ARHGAP32: variants seen among roughly 807,000 people sequenced by gnomAD.
ARHGAP32 encodes rho GTPase-activating protein 32.
Under a neutral mutation model 186.5 loss-of-function variants are expected in ARHGAP32, and 51 were observed. That is an observed-to-expected ratio of 0.27 (90% confidence interval 0.22 to 0.35). ARHGAP32 has a LOEUF of 0.35. Among genes scored for constraint, ARHGAP32 ranks in the 10% least tolerant of loss-of-function variants. The pLI, the probability that ARHGAP32 is intolerant of heterozygous loss-of-function variation, is 1.00. For synonymous variants in ARHGAP32, 950 were observed against 964.3 expected (o/e 0.99, Z 0.27); for missense variants, 2,186 against 2,623.5 (o/e 0.83, Z 3.64).
Position 129,145,230 on chromosome 11 carries a change from G to A in ARHGAP32, c.225+19089C>T, listed in dbSNP as rs545610166. On this transcript the variant is annotated intron_variant, in intron 2 of 22. Coordinates refer to ENST00000682385, the MANE Select transcript of ARHGAP32 (RefSeq NM_001378024.1). ...TGGTAAGTTATTGTCAGTCTTCAGCGCTGCTAGAAAATGATACTGATCTCT... is the reference window on the plus strand; with the variant it reads ...TGGTAAGTTATTGTCAGTCTTCAGCACTGCTAGAAAATGATACTGATCTCT... 4.3e-4 allele frequency among the ~76,000 whole-genome samples: 65 copies of A among 151,922 alleles called. 1 individual carries two copies. The highest frequency in any genetic ancestry group is 6.0e-4 in the Non-Finnish European group (41 of 67,924).
intron 15 of ARHGAP32, among the ~76,000 whole-genome samples, chr11:128,982,192 A>G (rs1243808257): frequency 6.6e-6 from 1 of 152,208 alleles, no homozygotes; most frequent in Non-Finnish European, 1.5e-5. Flanking sequence ...TACTAACAGG[A>G]AAGGATTTCA....
At chr11:128,977,384 A>G (rs1945575834) in intron 19 of ARHGAP32, among the ~76,000 whole-genome samples, 3 of 152,156 alleles carry the variant, frequency 2.0e-5, no homozygotes, top group Admixed American at 2.0e-4. Context: ...CCTGCTGAGG[A>G]TAGCATGCAT....
chr11:129,202,898 TAAAAAA>T (rs933388438), intron 1 of ARHGAP32: 3 of 151,060 alleles, frequency 2.0e-5, no homozygotes, highest in Non-Finnish European at 4.4e-5. Flanking sequence ...GGGGGGAAAA[TAAAAAA>T]AAGAAAAGAA....
At chr11:129,093,451 C>A (rs1382479494) in intron 6 of ARHGAP32, among the ~76,000 whole-genome samples, 170 bp downstream of exon 6, 1 of 151,924 alleles carries the variant, frequency 6.6e-6, no homozygotes, top group Non-Finnish European at 1.5e-5. Context: ...AAAATAATAC[C>A]ATTTATTTTC....
chr11:128,989,555 CAT>C lies in ARHGAP32; in HGVS notation c.1196-1432_1196-1431del, dbSNP rs1555065781. ...ACACACACACACACACACACACACA[CAT>C]ACATATATCTTTTTTTATTATACTT... is the stretch of plus-strand genomic sequence containing the variant. On this transcript the variant is annotated intron_variant, in intron 12 of 22. Transcript: ENST00000682385. Among the ~76,000 whole-genome samples, 306 of 149,962 alleles carry C rather than the reference CAT, an allele frequency of 2.0e-3. 1 individual carries two copies. Among genetic ancestry groups the C allele is most frequent in the Middle Eastern group, 6.9e-3 (2 of 290 alleles).
At chr11:129,058,238 C>CTCTA (rs1232496252) in intron 10 of ARHGAP32, among the ~76,000 whole-genome samples, 55 of 138,896 alleles carry the variant, frequency 4.0e-4, no homozygotes, top group Non-Finnish European at 6.6e-4. Context: ...CTCTCTCTCT[C>CTCTA]TATATATATA....
chr11:128,970,096 T>C lies in ARHGAP32; in HGVS notation c.5117A>G (p.Tyr1706Cys), dbSNP rs144797851. 5.6e-6 allele frequency: 9 copies of C among 1,614,008 alleles called. No homozygotes were observed. Among genetic ancestry groups the C allele is most frequent in the African/African-American group, 4.0e-5 (3 of 74,914 alleles). Residue 1706 changes from tyrosine (Y) to cysteine (C), a missense_variant, in exon 23 of 23, where the codon TAC becomes TGC. Transcript: ENST00000682385. The surrounding 1 kb of genome is among the most constrained non-coding windows in gnomAD (Gnocchi z 5.8). ...GCTCTTTCCTTGCAGCCTAGGATTGTAGAAAGCAAAGTCTCGATTGGGAAG... is the reference window on the plus strand; with the variant it reads ...GCTCTTTCCTTGCAGCCTAGGATTGCAGAAAGCAAAGTCTCGATTGGGAAG... Reference protein sequence around the residue: ...HRLPNRDFAFYNPRLQGKSLY... With the variant: ...HRLPNRDFAFCNPRLQGKSLY...
At chr11:129,194,955 G>A (rs1944373183), upstream of ARHGAP32, among the ~76,000 whole-genome samples, 1 of 143,786 alleles carries the variant, frequency 7.0e-6, no homozygotes, top group Non-Finnish European at 1.5e-5. Flanking sequence ...TTGTGGGGGG[G>A]GGGGTTGTTT....
At chr11:129,012,718 G>A (rs1484553881) in intron 11 of ARHGAP32, among the ~76,000 whole-genome samples, 1 of 151,970 alleles carries the variant, frequency 6.6e-6, no homozygotes, top group Non-Finnish European at 1.5e-5. Context: ...AGAAAGAAAG[G>A]GAAAAAGTGA....
At chr11:129,009,410 T>C (rs187108139) in intron 11 of ARHGAP32, among the ~76,000 whole-genome samples, 77 of 152,328 alleles carry the variant, frequency 5.1e-4, no homozygotes, top group South Asian at 4.6e-3. Flanking sequence ...TGTGCCATGA[T>C]GGTTTGCTGC....
rs200206728 is a variant in ARHGAP32, at chr11:128,970,457, C to T, written c.4756G>A (p.Glu1586Lys). 34 of 1,614,082 alleles carry T rather than the reference C, an allele frequency of 2.1e-5. No homozygotes were observed. The highest frequency in any genetic ancestry group is 1.6e-4 in the Middle Eastern group (1 of 6,062). ...ATGGTAGGGTACGGTGGAATGTCTT[C>T]GGGGTAACAGGTATTCCTGACAGAG... is the stretch of plus-strand genomic sequence containing the variant. Reference protein sequence around the residue: ...SSSVRNTCYPEDIPPYPTIRR... With the variant: ...SSSVRNTCYPKDIPPYPTIRR... The change falls in exon 23 of 23, where the codon GAA becomes AAA. Residue 1586 changes from glutamate (E) to lysine (K), a missense_variant. By Grantham distance (56) the Glu-to-Lys change is moderately conservative. Transcript: ENST00000682385. The surrounding 1 kb of genome is among the most constrained non-coding windows in gnomAD (Gnocchi z 5.8).
At chr11:128,981,660 T>C in intron 16 of ARHGAP32, 99 bp from the exon 17 acceptor site, 1 of 1,367,834 alleles carries the variant, frequency 7.3e-7, no homozygotes, top group Non-Finnish European at 1.0e-6. Flanking sequence ...GAGGAAGAAA[T>C]CATACTTTTA....
intron 5 of ARHGAP32, among the ~76,000 whole-genome samples, chr11:129,114,556 C>G (rs1942312889): frequency 6.6e-6 from 1 of 152,086 alleles, no homozygotes; most frequent in African/African-American, 2.4e-5. Context: ...ACACCCTATA[C>G]ATGTCTGAAT....
chr11:129,124,764 T>C lies in ARHGAP32; in HGVS notation c.317+39A>G, dbSNP rs202151524. On this transcript the variant is annotated intron_variant, in intron 3 of 22. Coordinates refer to ENST00000682385, the MANE Select transcript of ARHGAP32 (RefSeq NM_001378024.1). ...GAATTGAAGAACTGATTTCCATTCG[T>C]AGGAATTCATTTAGAATCCACTGTA... is the stretch of plus-strand genomic sequence containing the variant. The C allele has an allele frequency of 2.3e-5, 33 of 1,431,132 alleles. No individual in the cohort carries two copies. The South Asian group carries it at 3.7e-4, about 16-fold the overall frequency. 88.7% of individuals were successfully genotyped at this position (1,431,132 alleles called of 1,614,324 possible). A position where few individuals can be genotyped will look rare whatever the true frequency, so the allele number is the denominator to read the frequency against.
At chr11:129,258,120 T>C (rs539838620) in intron 1 of ARHGAP32, among the ~76,000 whole-genome samples, 2 of 152,352 alleles carry the variant, frequency 1.3e-5, no homozygotes, top group East Asian at 1.9e-4. Flanking sequence ...TAATGTTATA[T>C]GGCAATTTTA....
chr11:129,062,282 G>T lies in ARHGAP32; in HGVS notation c.961C>A (p.Gln321Lys), dbSNP rs777274773. 6.2e-7 allele frequency: 1 copy of T among 1,613,028 alleles called. No homozygotes were observed. Among genetic ancestry groups the T allele is most frequent in the Non-Finnish European group, 8.5e-7 (1 of 1,179,356 alleles). The change falls in exon 10 of 23, where the codon CAG becomes AAG. Residue 321 changes from glutamine (Q) to lysine (K), a missense_variant and splice_region_variant. Gln to Lys is a moderately conservative substitution (Grantham distance 53). Coordinates refer to ENST00000682385, the MANE Select transcript of ARHGAP32 (RefSeq NM_001378024.1). ...ACACCTAATTTGCTGCTGCCTACCT[G>T]GAATCCGTGCTTGCCTCTCCACCAT... Reference protein sequence around the residue: ...STWWRGKHGFQVGLFPGHCVE... With the variant: ...STWWRGKHGFKVGLFPGHCVE...
intron 2 of ARHGAP32, among the ~76,000 whole-genome samples, chr11:129,128,280 T>C (rs1430007355): frequency 3.3e-5 from 5 of 152,214 alleles, no homozygotes; most frequent in African/African-American, 1.2e-4. Flanking sequence ...TAGTGTTCTC[T>C]AATAAAAGAC....
intron 11 of ARHGAP32, among the ~76,000 whole-genome samples, chr11:129,008,457 A>G (rs1383597791): frequency 6.6e-6 from 1 of 152,206 alleles, no homozygotes; most frequent in Non-Finnish European, 1.5e-5. Flanking sequence ...GACATCTGCC[A>G]TCCATTTCTT....
chr11:129,171,583 A>G (rs577889950), intron 1 of ARHGAP32, among the ~76,000 whole-genome samples: 3 of 152,162 alleles, frequency 2.0e-5, no homozygotes, highest in Non-Finnish European at 4.4e-5. Context: ...GCGTTGTAGT[A>G]TAGTTTGAAG....
Sources: gnomAD v4.1 joint callset for allele counts (sites outside exome capture counted in the v4.1 genomes callset) on GRCh38, gnomAD v4.1.1 for gene constraint, Gnocchi (gnomAD v3.1) non-coding constraint, MANE v1.5 for transcripts, NCBI Gene and HGNC (gene_info 2026-07-23, HGNC 2026-07-21) for gene names.